Variants in TULP4 observed in about 807,000 individuals in gnomAD.
TULP4 encodes the protein tubby-related protein 4.
A neutral mutation model predicts 129.0 loss-of-function variants in TULP4; 16 were observed. That is an observed-to-expected ratio of 0.12 (90% CI 0.08 to 0.19). The LOEUF (loss-of-function observed/expected upper bound fraction) is 0.19. Ranked by LOEUF, TULP4 falls within the 10% of genes least tolerant of loss-of-function variation. TULP4 has a pLI of 1.00. For synonymous variants in TULP4, 998 were observed against 854.0 expected, an observed-to-expected ratio of 1.17 and a Z score of -2.94; for missense variants, 1,842 against 2,059.1, an observed-to-expected ratio of 0.89 and a Z score of 2.04.
chr6:158,473,081 A>G (rs1779727191), intron 6 of TULP4, among the ~76,000 whole-genome samples: 1 of 152,184 alleles, frequency 6.6e-6, no homozygotes, highest in Non-Finnish European at 1.5e-5. Flanking sequence ...TGTAAGGTTC[A>G]GTTGTTGATG....
chr6:158,497,214 C>G (rs1003087475), intron 11 of TULP4, among the ~76,000 whole-genome samples: 1 of 152,112 alleles, frequency 6.6e-6, no homozygotes, highest in African/African-American at 2.4e-5. Context: ...AAAGAATTTT[C>G]CACTTGATTC....
intron 1 of TULP4, among the ~76,000 whole-genome samples, chr6:158,270,899 C>T (rs1258066448): frequency 6.6e-6 from 1 of 152,180 alleles, no homozygotes; most frequent in Non-Finnish European, 1.5e-5. Context: ...CCTGTAATCC[C>T]AGCACTTTGG....
At position 158,237,863 on chromosome 6, in the gene TULP4, G is replaced by A. The variant is rs541456358; in HGVS notation, n.68+5560G>A. On this transcript the variant is annotated intron_variant and non_coding_transcript_variant, in intron 1 of 1. Coordinates refer to the TULP4 transcript ENST00000620026. ...GCTGTGCCTTTCTCTGGATCTGCAA[G>A]TGAGTAAGCAGAAATAAACTGTGCC... is the stretch of plus-strand genomic sequence containing the variant. The A allele has an allele frequency of 7.5e-5, 56 of 749,436 alleles. No individual in the cohort carries two copies. The South Asian group carries it at 7.6e-4, about 10-fold the overall frequency. The allele number at this position is 749,436 out of a possible 1,614,324, so 46.4% of individuals were successfully genotyped here. A position where few individuals can be genotyped will look rare whatever the true frequency, so the allele number is the denominator to read the frequency against.
chr6:158,334,296 G>A (rs1562524464), intron 1 of TULP4, among the ~76,000 whole-genome samples: 1 of 152,196 alleles, frequency 6.6e-6, no homozygotes, highest in Non-Finnish European at 1.5e-5. Context: ...TGCAGCTGGG[G>A]TGGCTGCCAT....
intron 1 of TULP4, chr6:158,242,818 A>G: frequency 3.9e-6 from 1 of 254,362 alleles, no homozygotes; most frequent in South Asian, 5.4e-5. Context: ...CCTGCTGCTC[A>G]CTGTCGCCCA....
intron 1 of TULP4, among the ~76,000 whole-genome samples, chr6:158,406,054 C>T (rs1471222101): frequency 6.6e-6 from 1 of 152,216 alleles, no homozygotes; most frequent in Non-Finnish European, 1.5e-5. Flanking sequence ...CGTCTCTCCC[C>T]TCTTTGTGTC....
chr6:158,392,305 C>T (rs1209890607), intron 1 of TULP4, among the ~76,000 whole-genome samples: 1 of 152,216 alleles, frequency 6.6e-6, no homozygotes, highest in East Asian at 1.9e-4. Context: ...ATTCTGTTAC[C>T]TCCCACTAGG....
chr6:158,432,188 G>A (rs906898645), intron 3 of TULP4, among the ~76,000 whole-genome samples: 1 of 151,212 alleles, frequency 6.6e-6, no homozygotes, highest in Non-Finnish European at 1.5e-5. Flanking sequence ...GAGAACATGT[G>A]TATCAGGCAC....
intron 2 of TULP4, among the ~76,000 whole-genome samples, chr6:158,418,168 G>A (rs562930444): frequency 8.0e-5 from 12 of 150,532 alleles, no homozygotes; most frequent in African/African-American, 2.9e-4. Context: ...GTGCAGTGGC[G>A]CATCTTCGGC....
At chr6:158,474,844 C>T (rs1266333276) in intron 6 of TULP4, among the ~76,000 whole-genome samples, 2 of 152,108 alleles carry the variant, frequency 1.3e-5, no homozygotes, top group Non-Finnish European at 2.9e-5. Flanking sequence ...GTTGGCACTC[C>T]AAAAGTCAGA....
chr6:158,356,787 A>G (rs764963309), intron 1 of TULP4, among the ~76,000 whole-genome samples: 2 of 151,428 alleles, frequency 1.3e-5, no homozygotes, highest in Non-Finnish European at 2.9e-5. Context: ...GTGATGAAAC[A>G]GAGGGGACCT....
chr6:158,456,293 T>C (rs1779289685), intron 5 of TULP4, among the ~76,000 whole-genome samples: 1 of 152,228 alleles, frequency 6.6e-6, no homozygotes, highest in African/African-American at 2.4e-5. Flanking sequence ...AAGCAGCTTC[T>C]AAGGCATGCT....
In TULP4 at chr6:158,404,231, A is replaced by G. The variant is rs141220431; in HGVS notation, c.253-8834A>G. 3.7e-3 allele frequency among the ~76,000 whole-genome samples: 558 copies of G among 152,278 alleles called. 3 individuals are homozygous for G. The highest frequency in any genetic ancestry group is 0.013 in the African/African-American group (528 of 41,556). ...CATTTAGATTTTTCTTCCTAGCAGC[A>G]TCTCCTGTGGTGTTAAAAGATCCTG... On this transcript the variant is annotated intron_variant, in intron 1 of 13. Transcript: ENST00000367097.
At chr6:158,372,180 T>TTTTTTTTA (rs1458196779) in intron 1 of TULP4, among the ~76,000 whole-genome samples, 2 of 146,478 alleles carry the variant, frequency 1.4e-5, no homozygotes, top group Non-Finnish European at 3.0e-5. Flanking sequence ...TTTTTTTTTT[T>TTTTTTTTA]AAAGAAAAAG....
chr6:158,314,023 G>A lies in TULP4; in HGVS notation c.7G>A (p.Ala3Thr). MY[A>T]AVEHGPVLCS... is the part of the protein sequence containing the mutation. Reference sequence around the variant, plus strand: ...ACAGTTCATTGAAGAAAGTATGTATGCAGCAGTGGAACATGGGCCTGTGCT... The same window carrying A: ...ACAGTTCATTGAAGAAAGTATGTATACAGCAGTGGAACATGGGCCTGTGCT... Residue 3 changes from alanine to threonine, a missense_variant, in exon 1 of 14, where the codon GCA becomes ACA. Around this residue, in one of 5 missense-constraint regions of TULP4, gnomAD observed 151 missense variants for 268.7 expected, o/e 0.56. Coordinates refer to ENST00000367097, the MANE Select transcript of TULP4 (RefSeq NM_020245.5). 6.2e-7 allele frequency: 1 copy of A among 1,614,062 alleles called. No homozygotes were observed. Among genetic ancestry groups the A allele is most frequent in the Non-Finnish European group, 8.5e-7 (1 of 1,179,962 alleles).
Position 158,502,233 on chromosome 6 carries a change from C to G in TULP4, c.2570C>G (p.Pro857Arg). Residue 857 changes from proline to arginine, a missense_variant, in exon 13 of 14, where the codon CCA (proline) becomes CGA (arginine). Coordinates refer to ENST00000367097, the MANE Select transcript of TULP4 (RefSeq NM_020245.5). ...TAAPPPPLPP[P>R]QPPVDVCLKK... Reference sequence around the variant, plus strand: ...GCACCCCCGCCCCCTCTGCCGCCCCCACAGCCCCCAGTGGATGTGTGCTTG... The same window carrying G: ...GCACCCCCGCCCCCTCTGCCGCCCCGACAGCCCCCAGTGGATGTGTGCTTG... 1 of 1,577,680 alleles carries G rather than the reference C, an allele frequency of 6.3e-7. No individual in the cohort carries two copies. Among genetic ancestry groups the G allele is most frequent in the Admixed American group, 1.7e-5 (1 of 58,144 alleles).
intron 5 of TULP4, among the ~76,000 whole-genome samples, chr6:158,455,552 C>T (rs1382670430): frequency 1.3e-5 from 2 of 151,806 alleles, no homozygotes; most frequent in Non-Finnish European, 2.9e-5. Context: ...GCCTGGCCAA[C>T]ATGGCCAAAC....
intron 8 of TULP4, among the ~76,000 whole-genome samples, chr6:158,484,505 C>A (rs1328943167): frequency 2.0e-5 from 3 of 152,024 alleles, no homozygotes; most frequent in African/African-American, 7.2e-5. Flanking sequence ...ACTTGTGTTG[C>A]CCTAAAATTC....
intron 1 of TULP4, among the ~76,000 whole-genome samples, chr6:158,244,757 T>A (rs1777995071): frequency 6.6e-6 from 1 of 152,108 alleles, no homozygotes; most frequent in South Asian, 2.1e-4. Flanking sequence ...TTTGGGAGGC[T>A]GAGGTGAGAC....
Sources: allele counts gnomAD v4.1 joint callset (sites outside exome capture counted in the v4.1 genomes callset), GRCh38; gene constraint gnomAD v4.1.1; regional missense constraint gnomAD v4.1.1; transcripts MANE v1.5; gene names NCBI Gene and HGNC (gene_info 2026-07-23, HGNC 2026-07-21).